The following OXCT1 variants were observed in gnomAD, a reference collection of about 807,000 sequenced individuals.
OXCT1 encodes the protein succinyl-CoA:3-ketoacid coenzyme A transferase 1, mitochondrial.
In OXCT1, 27 loss-of-function variants were observed where a neutral mutation model predicts 69.6. The ratio of observed to expected loss-of-function variants is 0.39; its 90% CI spans 0.29 to 0.54. The LOEUF is 0.54. Ranked by LOEUF, OXCT1 falls within the 20% of genes least tolerant of loss-of-function variation. The pLI, the probability that OXCT1 is intolerant of heterozygous loss-of-function variation, is 0.72. For missense variants in OXCT1, 437 were observed against 650.2 expected, an observed-to-expected ratio of 0.67 and a Z score of 3.57; for synonymous variants, 202 against 217.8, an observed-to-expected ratio of 0.93 and a Z score of 0.64.
At chr5:41,790,546 G>A (rs1745867097) in intron 13 of OXCT1, among the ~76,000 whole-genome samples, 2 of 152,144 alleles carry the variant, frequency 1.3e-5, no homozygotes, top group Non-Finnish European at 2.9e-5. Flanking sequence ...TGCTTGCCCT[G>A]AAGGCTTAAT....
At chr5:41,836,170 C>T (rs1292931059) in intron 7 of OXCT1, among the ~76,000 whole-genome samples, 3 of 152,164 alleles carry the variant, frequency 2.0e-5, no homozygotes, top group Admixed American at 2.0e-4. Context: ...GCTGGTTTTG[C>T]ACTTGAACTT....
chr5:41,759,259 A>C (rs1412739384), intron 14 of OXCT1, among the ~76,000 whole-genome samples: 1 of 152,024 alleles, frequency 6.6e-6, no homozygotes, highest in Admixed American at 6.6e-5. Flanking sequence ...CTTAATACCC[A>C]TATCTCAACC....
At chr5:41,767,434 G>C (rs1176434789) in intron 13 of OXCT1, among the ~76,000 whole-genome samples, 1 of 151,822 alleles carries the variant, frequency 6.6e-6, no homozygotes, top group Non-Finnish European at 1.5e-5. Flanking sequence ...CATGTCAAAA[G>C]AGCAGTATTC....
Position 41,865,596 on chromosome 5 carries a change from T to C in OXCT1, c.79-2846A>G, listed in dbSNP as rs115699396. 1.9e-3 allele frequency among the ~76,000 whole-genome samples: 293 copies of C among 152,276 alleles called. 2 individuals carry two copies. The highest frequency in any genetic ancestry group is 6.7e-3 in the African/African-American group (279 of 41,568). ...ATTGTATCCTAAGAAACCCAACATC[T>C]AGTTTAGGAGATAGTGTGCCATAAT... On this transcript the variant is annotated intron_variant, in intron 1 of 16. Transcript: ENST00000196371.
intron 14 of OXCT1, among the ~76,000 whole-genome samples, chr5:41,753,400 C>G (rs761207453): frequency 9.9e-5 from 15 of 152,078 alleles, no homozygotes; most frequent in Non-Finnish European, 1.6e-4. Context: ...TGATCAACTA[C>G]AGAGAAGGCA....
rs542158326 is a variant in OXCT1 at position 41,739,722 on chromosome 5, T to A, written c.1420-231A>T. ...CTACTAAAAATACAAAAAAAAAAAA[T>A]TAGCTGGGCATGGTGGCAGGCACCT... On this transcript the variant is annotated intron_variant, in intron 15 of 16. Coordinates refer to ENST00000196371, the MANE Select transcript of OXCT1 (RefSeq NM_000436.4). 2.6e-4 allele frequency: 86 copies of A among 333,716 alleles called. No homozygotes were observed. Among genetic ancestry groups the A allele is most frequent in the African/African-American group, 1.7e-3 (59 of 34,986 alleles). The allele number at this position is 333,716 out of a possible 1,614,324, so 20.7% of individuals were successfully genotyped here.
At chr5:41,808,128 A>AT (rs1045868481) in intron 7 of OXCT1, among the ~76,000 whole-genome samples, 1 of 152,106 alleles carries the variant, frequency 6.6e-6, no homozygotes, top group Non-Finnish European at 1.5e-5. Flanking sequence ...TTAGTCTGTT[A>AT]TTTTAGAATT....
At chr5:41,733,075 C>T (rs964602136) in intron 16 of OXCT1, among the ~76,000 whole-genome samples, 11 of 152,060 alleles carry the variant, frequency 7.2e-5, no homozygotes, top group African/African-American at 2.7e-4. Context: ...TAAGAGTAGA[C>T]ATACAGACAA....
chr5:41,824,477 T>C (rs890104273), intron 7 of OXCT1, among the ~76,000 whole-genome samples: 2 of 152,192 alleles, frequency 1.3e-5, no homozygotes, highest in African/African-American at 4.8e-5. Context: ...TTAAGAAAGT[T>C]TTCCATTCCA....
intron 5 of OXCT1, among the ~76,000 whole-genome samples, chr5:41,844,874 A>G (rs1425751046): frequency 6.8e-6 from 1 of 148,006 alleles, no homozygotes; most frequent in African/African-American, 2.5e-5. Context: ...GCCACCTTCC[A>G]TTCCCTCCTA....
At chr5:41,866,113 A>T (rs1260772433) in intron 1 of OXCT1, among the ~76,000 whole-genome samples, 1 of 143,896 alleles carries the variant, frequency 6.9e-6, no homozygotes, top group Non-Finnish European at 1.5e-5. Context: ...CTGTGCCTGG[A>T]CTATAGAAGA....
chr5:41,787,356 C>G (rs1385104380), intron 13 of OXCT1, among the ~76,000 whole-genome samples: 2 of 152,014 alleles, frequency 1.3e-5, no homozygotes, highest in Admixed American at 1.3e-4. Flanking sequence ...AGAAGGGAAG[C>G]CAACAAGATA....
chr5:41,870,418 G>A lies in OXCT1; in HGVS notation c.-60C>T. 1.5e-6 allele frequency: 2 copies of A among 1,333,240 alleles called. No homozygotes were observed. Among genetic ancestry groups the A allele is most frequent in the South Asian group, 1.2e-5 (1 of 83,660 alleles). 82.6% of individuals were successfully genotyped at this position (1,333,240 alleles called of 1,614,324 possible). ...GGAGCGCGCGTTTGAGCGTCGGTGC[G>A]CGACTGCGAAGGAAACCCGGGCGGG... On this transcript the variant is annotated 5_prime_UTR_variant, in exon 1 of 17. Coordinates refer to ENST00000196371, the MANE Select transcript of OXCT1 (RefSeq NM_000436.4). The surrounding 1 kb of genome is among the most constrained non-coding windows in gnomAD (Gnocchi z 4.2).
intron 13 of OXCT1, among the ~76,000 whole-genome samples, chr5:41,778,147 C>T (rs1050661260): frequency 1.1e-4 from 16 of 152,258 alleles, no homozygotes; most frequent in Admixed American, 8.5e-4. Flanking sequence ...ATCTAATTTT[C>T]TATTCATAAC....
intron 7 of OXCT1, among the ~76,000 whole-genome samples, chr5:41,820,270 A>G (rs1747482728): frequency 6.6e-6 from 1 of 152,176 alleles, no homozygotes; most frequent in Admixed American, 6.5e-5. Flanking sequence ...TATAACATCC[A>G]TGTTGTTGAG....
chr5:41,790,773 A>G (rs755918292), intron 13 of OXCT1, among the ~76,000 whole-genome samples: 1 of 152,204 alleles, frequency 6.6e-6, no homozygotes, highest in Non-Finnish European at 1.5e-5. Flanking sequence ...TGGGACAAAT[A>G]AAAATAGATT....
chr5:41,866,969 C>T (rs971762365), intron 1 of OXCT1, among the ~76,000 whole-genome samples: 8 of 152,150 alleles, frequency 5.3e-5, no homozygotes, highest in African/African-American at 1.2e-4. Context: ...TACAGACATG[C>T]GGGATCAGGT....
chr5:41,795,981 C>T (rs950806212), intron 11 of OXCT1, among the ~76,000 whole-genome samples: 2 of 152,114 alleles, frequency 1.3e-5, no homozygotes, highest in African/African-American at 4.8e-5. Flanking sequence ...TCTCTCTCCC[C>T]TTTTCTTTCT....
intron 1 of OXCT1, among the ~76,000 whole-genome samples, chr5:41,867,153 T>C (rs567895790): frequency 2.1e-4 from 32 of 152,330 alleles, no homozygotes; most frequent in Middle Eastern, 6.8e-3. Context: ...TTCTTTAGTG[T>C]TGATTTGTGA....
Sources: gnomAD v4.1 joint callset for allele counts (sites outside exome capture counted in the v4.1 genomes callset) on GRCh38, gnomAD v4.1.1 for gene constraint, Gnocchi (gnomAD v3.1) non-coding constraint, MANE v1.5 for transcripts, NCBI Gene and HGNC (gene_info 2026-07-23, HGNC 2026-07-21) for gene names.